The following FGF10 variants were observed in gnomAD, a reference collection of about 807,000 sequenced individuals.
The protein encoded by FGF10 is fibroblast growth factor 10.
A neutral mutation model predicts 19.8 loss-of-function variants in FGF10; 2 were observed. The ratio of observed to expected loss-of-function variants is 0.10; its 90% CI spans 0.04 to 0.32. The LOEUF is 0.32. Among genes scored for constraint, FGF10 ranks in the 10% least tolerant of loss-of-function variants. The probability of loss-of-function intolerance (pLI) is 1.00; values close to 1 mark genes in which losing one functional copy is unlikely to be tolerated. For missense variants in FGF10, 191 were observed against 246.3 expected (o/e 0.78, Z 1.50); for synonymous variants, 112 against 94.0 (o/e 1.19, Z -1.10).
chr5:44,340,333 T>A (rs915688472), intron 1 of FGF10, among the ~76,000 whole-genome samples: 1 of 152,136 alleles, frequency 6.6e-6, no homozygotes. Flanking sequence ...GTGAGGGTTA[T>A]AAGCCTTTGA....
chr5:44,355,010 C>G (rs1741315192), intron 1 of FGF10, among the ~76,000 whole-genome samples: 1 of 151,490 alleles, frequency 6.6e-6, no homozygotes, highest in Non-Finnish European at 1.5e-5. Context: ...AAACACAGAG[C>G]TTTAAAAGGC....
intron 1 of FGF10, among the ~76,000 whole-genome samples, chr5:44,330,479 A>G (rs1740706689): frequency 6.6e-6 from 1 of 152,232 alleles, no homozygotes; most frequent in Non-Finnish European, 1.5e-5. Context: ...ACATTAAGAT[A>G]TCACCAGCAA....
intron 1 of FGF10, among the ~76,000 whole-genome samples, chr5:44,374,873 T>A (rs116266852): frequency 0.053 from 5,283 of 99,152 alleles, 306 homozygotes; most frequent in African/African-American, 0.16. Flanking sequence ...ATGATTCACT[T>A]CATGATTACA....
chr5:44,320,698 T>A (rs970063764), intron 1 of FGF10, among the ~76,000 whole-genome samples: 2 of 129,622 alleles, frequency 1.5e-5, no homozygotes, highest in African/African-American at 5.1e-5. Flanking sequence ...CAAGTTCAAG[T>A]CTTTGGAGGT....
In FGF10 at chr5:44,301,650, A is replaced by G. The variant is rs1402756632; in HGVS notation, c.*3345T>C. ...TGAATATTTAGAAAAGATTGAAAGCATTTGGTTGTTATTAGAGTAAAGATA... is the reference window on the plus strand; with the variant it reads ...TGAATATTTAGAAAAGATTGAAAGCGTTTGGTTGTTATTAGAGTAAAGATA... On this transcript the variant is annotated 3_prime_UTR_variant, in exon 3 of 3. Transcript: ENST00000264664. Among the ~76,000 whole-genome samples, 2 of 152,216 alleles carry G rather than the reference A, an allele frequency of 1.3e-5. No individual in the cohort carries two copies. The highest frequency in any genetic ancestry group is 3.8e-4 in the East Asian group (2 of 5,198).
chr5:44,385,544 A>G (rs1742078124), intron 1 of FGF10, among the ~76,000 whole-genome samples: 1 of 152,202 alleles, frequency 6.6e-6, no homozygotes, highest in African/African-American at 2.4e-5. Context: ...CAAAAGTAAC[A>G]AAGAAAATTA....
At chr5:44,330,602 A>G (rs1018072658) in intron 1 of FGF10, among the ~76,000 whole-genome samples, 1 of 152,234 alleles carries the variant, frequency 6.6e-6, no homozygotes, top group Non-Finnish European at 1.5e-5. Flanking sequence ...AGGGGAAAAC[A>G]GAGGATATTC....
chr5:44,306,953 A>T (rs1740090731), intron 2 of FGF10, among the ~76,000 whole-genome samples: 1 of 152,212 alleles, frequency 6.6e-6, no homozygotes, highest in South Asian at 2.1e-4. Context: ...CTAAAACTAT[A>T]TACTTTTCAA....
chr5:44,321,290 G>C (rs1740480595), intron 1 of FGF10, among the ~76,000 whole-genome samples: 1 of 152,310 alleles, frequency 6.6e-6, no homozygotes, highest in East Asian at 1.9e-4. Context: ...AATTGTTAGA[G>C]AGGACTAATG....
chr5:44,355,539 A>AT (rs1325660171), intron 1 of FGF10, among the ~76,000 whole-genome samples: 3 of 151,224 alleles, frequency 2.0e-5, no homozygotes, highest in African/African-American at 7.3e-5. Flanking sequence ...AAATGGTACC[A>AT]TTTACTAAGA....
At chr5:44,346,084 G>A (rs1441366802) in intron 1 of FGF10, among the ~76,000 whole-genome samples, 1 of 151,634 alleles carries the variant, frequency 6.6e-6, no homozygotes, top group African/African-American at 2.4e-5. Flanking sequence ...AAAATTAACT[G>A]ATTTGTCCTC....
chr5:44,380,702 T>C (rs764774332), intron 1 of FGF10, among the ~76,000 whole-genome samples: 2 of 152,164 alleles, frequency 1.3e-5, no homozygotes, highest in Non-Finnish European at 2.9e-5. Flanking sequence ...GTGTTCAGGC[T>C]GGGTATGGTG....
chr5:44,329,454 T>A (rs1373096604), intron 1 of FGF10, among the ~76,000 whole-genome samples: 4 of 152,068 alleles, frequency 2.6e-5, no homozygotes, highest in Non-Finnish European at 4.4e-5. Context: ...GGATTACAGG[T>A]GTGAGCCACC....
At chr5:44,307,393 C>A (rs770201520) in intron 2 of FGF10, among the ~76,000 whole-genome samples, 5 of 152,060 alleles carry the variant, frequency 3.3e-5, no homozygotes, top group Admixed American at 6.6e-5. Flanking sequence ...TGAAAATTTT[C>A]TTTGGTCCTT....
chr5:44,315,478 G>A (rs1167937236), intron 1 of FGF10, among the ~76,000 whole-genome samples: 1 of 152,132 alleles, frequency 6.6e-6, no homozygotes, highest in Non-Finnish European at 1.5e-5. Context: ...TAAAACTAAA[G>A]GTTCTGCTTC....
chr5:44,374,769 TAGTC>T (rs1741816466), intron 1 of FGF10, among the ~76,000 whole-genome samples: 1 of 152,174 alleles, frequency 6.6e-6, no homozygotes, highest in African/African-American at 2.4e-5. Flanking sequence ...AACTGTCTCA[TAGTC>T]AGCAGGAATT....
chr5:44,380,709 G>T (rs1741965672), intron 1 of FGF10, among the ~76,000 whole-genome samples: 1 of 152,178 alleles, frequency 6.6e-6, no homozygotes, highest in South Asian at 2.1e-4. Context: ...GGCTGGGTAT[G>T]GTGGCTCACA....
chr5:44,346,158 C>T (rs1471862374), intron 1 of FGF10, among the ~76,000 whole-genome samples: 1 of 151,694 alleles, frequency 6.6e-6, no homozygotes, highest in Non-Finnish European at 1.5e-5. Context: ...TACTCTTTTC[C>T]TCTTATCTAT....
chr5:44,333,246 G>C (rs1272888084), intron 1 of FGF10, among the ~76,000 whole-genome samples: 1 of 152,036 alleles, frequency 6.6e-6, no homozygotes, highest in Non-Finnish European at 1.5e-5. Context: ...AGCTGTGTTG[G>C]TGGAACACTG....
Sources: allele counts gnomAD v4.1 joint callset (sites outside exome capture counted in the v4.1 genomes callset), GRCh38; gene constraint gnomAD v4.1.1; transcripts MANE v1.5; gene names NCBI Gene and HGNC (gene_info 2026-07-23, HGNC 2026-07-21).